Variants in ALPL observed in about 807,000 individuals in gnomAD.
ALPL encodes alkaline phosphatase, biomineralization associated.
In ALPL, 42 loss-of-function variants were observed where a neutral mutation model predicts 51.3. The ratio of observed to expected loss-of-function variants is 0.82; its 90% CI spans 0.64 to 1.06. The LOEUF is 1.06. ALPL is among the 50% of genes least tolerant of loss of function. ALPL has a pLI of 0.00. For missense variants in ALPL, 589 were observed against 709.4 expected (o/e 0.83, Z 1.93); for synonymous variants, 279 against 296.4 (o/e 0.94, Z 0.60).
intron 1 of ALPL, among the ~76,000 whole-genome samples, chr1:21,528,351 T>C (rs1338825507): frequency 3.4e-5 from 5 of 145,684 alleles, no homozygotes; most frequent in Admixed American, 1.4e-4. Flanking sequence ...AGTTTTTTTT[T>C]TTTTTTTTTT....
intron 1 of ALPL, among the ~76,000 whole-genome samples, chr1:21,510,244 T>G (rs1201784930): frequency 6.6e-6 from 1 of 152,062 alleles, no homozygotes; most frequent in Non-Finnish European, 1.5e-5. Flanking sequence ...TAAACGCAGG[T>G]CTCAGCAGAA....
At chr1:21,524,228 T>G (rs549653899) in intron 1 of ALPL, among the ~76,000 whole-genome samples, 1 of 152,196 alleles carries the variant, frequency 6.6e-6, no homozygotes, top group South Asian at 2.1e-4. Context: ...GGTCTCAAAC[T>G]CCTGACCTCA....
rs1439126246 is a variant in ALPL at position 21,577,844 on chromosome 1, C to CTCCA, written c.*197_*200dup. The CTCCA allele has an allele frequency of 1.4e-6, 1 of 732,122 alleles. No individual in the cohort carries two copies. The highest frequency in any genetic ancestry group is 2.7e-5 in the East Asian group (1 of 36,876). The allele number at this position is 732,122 out of a possible 1,614,324, so 45.4% of individuals were successfully genotyped here. On this transcript the variant is annotated 3_prime_UTR_variant, in exon 12 of 12. Coordinates refer to ENST00000374840, the MANE Select transcript of ALPL (RefSeq NM_000478.6). ...CCCAAGGGCCAAACCCACTTCTGGC[C>CTCCA]TCCAGCCTTTGCTCCCTCCCCGCTG...
chr1:21,576,496 C>T, intron 10 of ALPL, 26 bp from the exon 11 acceptor site: 1 of 1,612,816 alleles, frequency 6.2e-7, no homozygotes, highest in Non-Finnish European at 8.5e-7. Context: ...CCCAGCATGA[C>T]CCCTGAACAC....
intron 2 of ALPL, among the ~76,000 whole-genome samples, chr1:21,554,791 GT>G (rs1644379173): frequency 4.2e-4 from 17 of 40,040 alleles, no homozygotes; most frequent in South Asian, 1.7e-3. Flanking sequence ...CGCCTGGCCT[GT>G]CTGTCTGTCT....
chr1:21,516,408 T>C (rs1160301364), intron 1 of ALPL, among the ~76,000 whole-genome samples: 1 of 148,110 alleles, frequency 6.8e-6, no homozygotes, highest in Non-Finnish European at 1.5e-5. Flanking sequence ...ATGCCACTAC[T>C]AACTAAAAGT....
chr1:21,523,387 G>A (rs1304991397), intron 1 of ALPL, among the ~76,000 whole-genome samples: 1 of 152,346 alleles, frequency 6.6e-6, no homozygotes, highest in African/African-American at 2.4e-5. Context: ...GTGAACACCA[G>A]CACTCAGGCT....
intron 1 of ALPL, among the ~76,000 whole-genome samples, chr1:21,537,038 T>A (rs1470087711): frequency 6.6e-6 from 1 of 151,834 alleles, no homozygotes; most frequent in Non-Finnish European, 1.5e-5. Flanking sequence ...CTGGGATTAT[T>A]GGCGCCCGCC....
intron 1 of ALPL, among the ~76,000 whole-genome samples, chr1:21,512,255 A>G (rs1177201388): frequency 1.3e-5 from 2 of 152,072 alleles, no homozygotes; most frequent in East Asian, 1.9e-4. Context: ...TTCAGAGGGC[A>G]GTTAGGGGCA....
intron 2 of ALPL, 141 bp downstream of exon 2, chr1:21,554,283 C>T: frequency 1.3e-6 from 1 of 795,190 alleles, no homozygotes; most frequent in East Asian, 2.6e-5. Flanking sequence ...AAACCTCAGC[C>T]CTGCTACTTG....
intron 1 of ALPL, among the ~76,000 whole-genome samples, chr1:21,514,798 A>G: frequency 6.6e-6 from 1 of 152,136 alleles, no homozygotes; most frequent in African/African-American, 2.4e-5. Flanking sequence ...TGTGAGCACC[A>G]TTGGGTACCA....
At chr1:21,526,114 C>G (rs1643937898) in intron 1 of ALPL, among the ~76,000 whole-genome samples, 1 of 152,154 alleles carries the variant, frequency 6.6e-6, no homozygotes, top group African/African-American at 2.4e-5. Context: ...GGCAGAATGG[C>G]CGCAAAGGAT....
intron 1 of ALPL, among the ~76,000 whole-genome samples, chr1:21,552,849 A>G (rs1293519082): frequency 6.6e-6 from 1 of 152,216 alleles, no homozygotes; most frequent in Admixed American, 6.5e-5. Context: ...TGTTTCCCAC[A>G]ACAAATGGTG....
At chr1:21,570,950 C>G (rs546871426) in intron 8 of ALPL, among the ~76,000 whole-genome samples, 60 of 152,354 alleles carry the variant, frequency 3.9e-4, no homozygotes, top group African/African-American at 1.4e-3. Context: ...AAATCTCCTG[C>G]AGACATTTCC....
chr1:21,513,646 G>A (rs776753163), intron 1 of ALPL, among the ~76,000 whole-genome samples: 7 of 152,170 alleles, frequency 4.6e-5, no homozygotes, highest in Non-Finnish European at 1.0e-4. Context: ...GCTGGGTTAT[G>A]GGAGATCCAT....
rs1314728069 is a variant in ALPL at position 21,537,527 on chromosome 1, AGGCATGGCT to A, written c.-104-16450_-104-16442del. 2.0e-5 allele frequency among the ~76,000 whole-genome samples: 3 copies of A among 152,222 alleles called. No homozygotes were observed. The East Asian group carries it at 5.8e-4, about 29-fold the overall frequency. ...GAGGACCAGCCACAGGGCAGCAGCCAGGCATGGCTTCCTGCAGCTCTCATTGCCAGAACC... is the reference window on the plus strand; with the variant it reads ...GAGGACCAGCCACAGGGCAGCAGCCATCCTGCAGCTCTCATTGCCAGAACC... On this transcript the variant is annotated intron_variant, in intron 1 of 11. Coordinates refer to ENST00000374840, the MANE Select transcript of ALPL (RefSeq NM_000478.6).
At chr1:21,520,295 T>G (rs556894622) in intron 1 of ALPL, among the ~76,000 whole-genome samples, 2 of 151,722 alleles carry the variant, frequency 1.3e-5, no homozygotes, top group African/African-American at 4.8e-5. Context: ...AGCTAATTTT[T>G]TTTATTTTTT....
chr1:21,522,636 A>G lies in ALPL; in HGVS notation c.-105+13119A>G, dbSNP rs116905590. Among the ~76,000 whole-genome samples the G allele has an allele frequency of 7.8e-3, 1,183 of 152,290 alleles. 10 individuals carry two copies. Among genetic ancestry groups the G allele is most frequent in the East Asian group, 0.025 (132 of 5,184 alleles). ...TCCTAGGCTTAGAACAAACGGGAACAGTAGTAGGCGAGTCAAGCGGTCATG... is the reference window on the plus strand; with the variant it reads ...TCCTAGGCTTAGAACAAACGGGAACGGTAGTAGGCGAGTCAAGCGGTCATG... On this transcript the variant is annotated intron_variant, in intron 1 of 11. Coordinates refer to ENST00000374840, the MANE Select transcript of ALPL (RefSeq NM_000478.6).
Position 21,509,764 on chromosome 1 carries a change from G to A in ALPL, c.-105+247G>A, listed in dbSNP as rs957434977. Among the ~76,000 whole-genome samples the A allele has an allele frequency of 1.3e-5, 2 of 152,142 alleles. No homozygotes were observed. The highest frequency in any genetic ancestry group is 4.8e-5 in the African/African-American group (2 of 41,446). ...ACAGGAGATTGGACGTGGCGCCCGC[G>A]GAGCCGGCGAACTCAGGGGACCGCG... On this transcript the variant is annotated intron_variant, in intron 1 of 11. Transcript: ENST00000374840. The surrounding 1 kb of genome is among the most constrained non-coding windows in gnomAD (Gnocchi z 6.0).
Sources: gnomAD v4.1 joint callset for allele counts (sites outside exome capture counted in the v4.1 genomes callset) on GRCh38, gnomAD v4.1.1 for gene constraint, Gnocchi (gnomAD v3.1) non-coding constraint, MANE v1.5 for transcripts, NCBI Gene and HGNC (gene_info 2026-07-23, HGNC 2026-07-21) for gene names.